Variants in PSD3 observed in about 807,000 individuals in gnomAD.
The protein encoded by PSD3 is pleckstrin and Sec7 domain containing 3, also known as PH and SEC7 domain-containing protein 3.
PSD3 carries 49 observed loss-of-function variants against 105.5 expected under a neutral mutation model. That is an observed-to-expected ratio of 0.46 (90% CI 0.37 to 0.59). The LOEUF is 0.59. Among genes scored for constraint, PSD3 ranks in the 20% least tolerant of loss-of-function variants. PSD3 has a pLI of 0.00. For synonymous variants in PSD3, 557 were observed against 457.8 expected, an observed-to-expected ratio of 1.22 and a Z score of -2.77; for missense variants, 1,561 against 1,263.8, an observed-to-expected ratio of 1.24 and a Z score of -3.57.
intron 9 of PSD3, among the ~76,000 whole-genome samples, chr8:18,730,878 C>T (rs1803696705): frequency 6.6e-6 from 1 of 151,950 alleles, no homozygotes; most frequent in Non-Finnish European, 1.5e-5. Context: ...CCGATAATAA[C>T]ATTTTAGAGT....
intron 11 of PSD3, among the ~76,000 whole-genome samples, chr8:18,624,071 T>A (rs796169656): frequency 4.6e-5 from 7 of 152,332 alleles, no homozygotes; most frequent in African/African-American, 1.4e-4. Flanking sequence ...TGAGCTATTA[T>A]AATGTTGCTA....
intron 11 of PSD3, among the ~76,000 whole-genome samples, chr8:18,617,910 A>G (rs1264795026): frequency 6.6e-6 from 1 of 152,182 alleles, no homozygotes; most frequent in African/African-American, 2.4e-5. Flanking sequence ...ATATTTTGAA[A>G]TGATCTGCAA....
chr8:18,935,735 T>C (rs1333123968), intron 2 of PSD3, among the ~76,000 whole-genome samples: 1 of 150,678 alleles, frequency 6.6e-6, no homozygotes, highest in African/African-American at 2.4e-5. Context: ...AGTCAATATA[T>C]ATAACAATGG....
chr8:18,698,155 G>C (rs998543505), intron 9 of PSD3, among the ~76,000 whole-genome samples: 10 of 152,268 alleles, frequency 6.6e-5, no homozygotes, highest in African/African-American at 2.4e-4. Context: ...CTCAAGTGCA[G>C]TGGTGCGATC....
At chr8:18,718,732 C>G (rs549259606) in intron 9 of PSD3, among the ~76,000 whole-genome samples, 1 of 152,050 alleles carries the variant, frequency 6.6e-6, no homozygotes, top group African/African-American at 2.4e-5. Flanking sequence ...ACAAGAAAAA[C>G]AGGAAATGAT....
At chr8:18,629,401 T>A (rs1482129782) in intron 11 of PSD3, among the ~76,000 whole-genome samples, 1 of 152,046 alleles carries the variant, frequency 6.6e-6, no homozygotes, top group African/African-American at 2.4e-5. Flanking sequence ...AAAACTTATA[T>A]GTGAATGTCC....
intron 1 of PSD3, among the ~76,000 whole-genome samples, chr8:18,949,244 A>AAAAATATATATATATAT (rs1345423514): frequency 6.9e-5 from 1 of 14,406 alleles, no homozygotes; most frequent in Admixed American, 1.6e-3. Context: ...AAAAAAAAAA[A>AAAAATATATATATATAT]ATATATATAT....
At chr8:18,607,686 A>AAG (rs1804947997) in intron 11 of PSD3, among the ~76,000 whole-genome samples, 1 of 128,714 alleles carries the variant, frequency 7.8e-6, no homozygotes, top group Non-Finnish European at 1.7e-5. Context: ...ACTGCTACAA[A>AAG]AAAAAAAAAC....
chr8:19,078,821 T>C (rs551393059), intron 1 of PSD3, among the ~76,000 whole-genome samples: 1 of 151,628 alleles, frequency 6.6e-6, no homozygotes, highest in African/African-American at 2.4e-5. Context: ...AATTCCTCCC[T>C]GTGGAGTAGG....
chr8:18,774,988 C>CA (rs1417082351), intron 8 of PSD3: 6 of 456,014 alleles, frequency 1.3e-5, no homozygotes, highest in African/African-American at 1.2e-4. Flanking sequence ...ATCAACCTTT[C>CA]AAAACCCTTT....
rs891424132 is a variant in PSD3 at position 18,992,667 on chromosome 8, G to A, written c.21+20896C>T. On this transcript the variant is annotated intron_variant, in intron 1 of 15. Coordinates refer to ENST00000327040, the MANE Select transcript of PSD3 (RefSeq NM_015310.4). ...CAGGCTACTTCATTTTGTTAACTCTGAAGAAGATTCAACAGGACCTTTAAA... is the reference window on the plus strand; with the variant it reads ...CAGGCTACTTCATTTTGTTAACTCTAAAGAAGATTCAACAGGACCTTTAAA... 7.9e-5 allele frequency among the ~76,000 whole-genome samples: 12 copies of A among 152,284 alleles called. No individual in the cohort carries two copies. The East Asian group carries it at 1.7e-3, about 22-fold the overall frequency.
At chr8:18,718,476 T>C (rs907816936) in intron 9 of PSD3, among the ~76,000 whole-genome samples, 4 of 152,236 alleles carry the variant, frequency 2.6e-5, no homozygotes, top group South Asian at 2.1e-4. Context: ...TAGACAGATA[T>C]ACAGGACTAG....
At chr8:18,697,484 T>C (rs547739132) in intron 9 of PSD3, among the ~76,000 whole-genome samples, 44 of 152,362 alleles carry the variant, frequency 2.9e-4, no homozygotes, top group Admixed American at 7.2e-4. Flanking sequence ...TTCTTTTATA[T>C]ACAGTATTAA....
chr8:18,765,453 A>G lies in PSD3; in HGVS notation c.2168T>C (p.Leu723Pro). The change falls in exon 9 of 16, where the codon CTG becomes CCG. Residue 723 changes from leucine to proline, a missense_variant. Coordinates refer to ENST00000327040, the MANE Select transcript of PSD3 (RefSeq NM_015310.4). ...NEGVDFSKDL[L>P]KALYNSIKNE... ...AACCAATAGTTCCATGCTTACTTTCAGCAGATCCTTGGAGAAATCAACACC... is the reference window on the plus strand; with the variant it reads ...AACCAATAGTTCCATGCTTACTTTCGGCAGATCCTTGGAGAAATCAACACC... 1 of 1,605,012 alleles carries G rather than the reference A, an allele frequency of 6.2e-7. No individual in the cohort carries two copies. The highest frequency in any genetic ancestry group is 2.2e-5 in the East Asian group (1 of 44,824).
chr8:19,072,236 G>A (rs1347276442), intron 1 of PSD3, among the ~76,000 whole-genome samples: 1 of 151,878 alleles, frequency 6.6e-6, no homozygotes, highest in Non-Finnish European at 1.5e-5. Context: ...CCAGTAGCTT[G>A]GGTTACAGGT....
intron 1 of PSD3, among the ~76,000 whole-genome samples, chr8:18,948,059 C>G (rs1822978289): frequency 1.3e-5 from 2 of 152,152 alleles, no homozygotes; most frequent in South Asian, 4.1e-4. Flanking sequence ...CCTTTGCCAC[C>G]ATCTCATAAT....
chr8:19,030,710 G>A (rs778012003), intron 1 of PSD3, among the ~76,000 whole-genome samples: 11 of 151,990 alleles, frequency 7.2e-5, no homozygotes, highest in East Asian at 3.9e-4. Context: ...TTTAATTACC[G>A]TTTATCATCT....
intron 11 of PSD3, among the ~76,000 whole-genome samples, chr8:18,621,267 G>T (rs1806090488): frequency 6.6e-6 from 1 of 152,082 alleles, no homozygotes; most frequent in Non-Finnish European, 1.5e-5. Flanking sequence ...AATTAGCCCG[G>T]CATGGTGGCA....
chr8:18,577,403 T>C (rs1371826833), intron 12 of PSD3, among the ~76,000 whole-genome samples: 1 of 152,042 alleles, frequency 6.6e-6, no homozygotes, highest in African/African-American at 2.4e-5. Flanking sequence ...TATATTCAAG[T>C]TTATTGACTC....
Sources: gnomAD v4.1 joint callset for allele counts (sites outside exome capture counted in the v4.1 genomes callset) on GRCh38, gnomAD v4.1.1 for gene constraint, MANE v1.5 for transcripts, NCBI Gene and HGNC (gene_info 2026-07-23, HGNC 2026-07-21) for gene names.